The following PGM1 variants were observed in gnomAD, a reference collection of about 807,000 sequenced individuals.
PGM1 encodes the protein phosphoglucomutase 1, also known as phosphoglucomutase-1.
Under a neutral mutation model 55.6 loss-of-function variants are expected in PGM1, and 52 were observed. That is an observed-to-expected ratio of 0.94 (90% CI 0.75 to 1.18). PGM1 has a LOEUF of 1.18. Ranked by LOEUF, PGM1 falls within the 50% of genes most tolerant of loss-of-function variation. The pLI is 0.00. For synonymous variants in PGM1, 287 were observed against 271.7 expected, an observed-to-expected ratio of 1.06 and a Z score of -0.55; for missense variants, 724 against 729.3, an observed-to-expected ratio of 0.99 and a Z score of 0.08.
In PGM1 at chr1:63,630,911, A is replaced by G. The variant is rs557586968; in HGVS notation, c.557-746A>G. Among the ~76,000 whole-genome samples the G allele has an allele frequency of 2.1e-4, 32 of 152,302 alleles. 1 individual carries two copies. The highest frequency in any genetic ancestry group is 5.9e-5 in the Non-Finnish European group (4 of 68,026). ...TTTTTTTGTTTGAACCTACTCAGGG[A>G]GAGCTGACAATTGCATCCTAACAAA... On this transcript the variant is annotated intron_variant, in intron 3 of 10. Coordinates refer to ENST00000371084, the MANE Select transcript of PGM1 (RefSeq NM_002633.3).
intron 1 of PGM1, among the ~76,000 whole-genome samples, chr1:63,597,059 T>C (rs1455318245): frequency 6.6e-6 from 1 of 152,170 alleles, no homozygotes; most frequent in Admixed American, 6.5e-5. Context: ...GGGAAAGACA[T>C]AGTCTGGGAG....
rs1372801639 is a variant in PGM1 at position 63,647,992 on chromosome 1, A to G, written c.1145-525A>G. Among the ~76,000 whole-genome samples the G allele has an allele frequency of 2.0e-5, 3 of 152,288 alleles. No homozygotes were observed. The East Asian group carries it at 5.8e-4, about 29-fold the overall frequency. On this transcript the variant is annotated intron_variant, in intron 7 of 10. Transcript: ENST00000371084. ...GAAGCATCAATTTCTTTTCAGTATC[A>G]TGTTGCCTACTTAATATGTGATTCC...
At chr1:63,652,544 A>G (rs1480635836) in intron 9 of PGM1, among the ~76,000 whole-genome samples, 2 of 146,660 alleles carry the variant, frequency 1.4e-5, no homozygotes, top group African/African-American at 5.1e-5. Context: ...CTTACGCACC[A>G]GGGTTCTCTC....
chr1:63,607,509 C>A (rs1648453735), intron 1 of PGM1, among the ~76,000 whole-genome samples: 1 of 152,116 alleles, frequency 6.6e-6, no homozygotes, highest in Non-Finnish European at 1.5e-5. Context: ...GGCGAGTGTG[C>A]CTGGGATGGG....
intron 1 of PGM1, among the ~76,000 whole-genome samples, chr1:63,595,080 A>T (rs183847255): frequency 2.0e-5 from 3 of 152,186 alleles, no homozygotes; most frequent in African/African-American, 7.2e-5. Flanking sequence ...ATTTTAAGTG[A>T]GATTTGACTT....
Position 63,631,729 on chromosome 1 carries a change from A to T in PGM1, c.629A>T (p.Glu210Val). The T allele has an allele frequency of 1.9e-6, 3 of 1,611,886 alleles. No homozygotes were observed. The highest frequency in any genetic ancestry group is 2.5e-6 in the Non-Finnish European group (3 of 1,177,966). Residue 210 changes from glutamate (E) to valine (V), a missense_variant, in exon 4 of 11, where the codon GAA becomes GTA. Physicochemically the swap from Glu to Val is moderately radical, Grantham distance 121. Transcript: ENST00000371084. ...ATCTTTGATTTCAGTGCACTGAAAGAACTACTTTCTGGGCCAAACCGACTG... is the reference window on the plus strand; with the variant it reads ...ATCTTTGATTTCAGTGCACTGAAAGTACTACTTTCTGGGCCAAACCGACTG... Reference protein sequence around the residue: ...RSIFDFSALKELLSGPNRLKI... With the variant: ...RSIFDFSALKVLLSGPNRLKI...
chr1:63,600,816 A>G (rs1347831331), intron 1 of PGM1, among the ~76,000 whole-genome samples: 2 of 152,214 alleles, frequency 1.3e-5, no homozygotes, highest in Admixed American at 1.3e-4. Context: ...TGTAGCATAC[A>G]TTTTATCGTA....
intron 7 of PGM1, among the ~76,000 whole-genome samples, chr1:63,646,198 G>A (rs1649640632): frequency 6.6e-6 from 1 of 152,180 alleles, no homozygotes; most frequent in Non-Finnish European, 1.5e-5. Context: ...AGACCAGCGG[G>A]AAGTGCAGTA....
chr1:63,636,720 G>A (rs977218008), intron 6 of PGM1, among the ~76,000 whole-genome samples: 2 of 152,136 alleles, frequency 1.3e-5, no homozygotes, highest in African/African-American at 2.4e-5. Flanking sequence ...TGACCATAGC[G>A]TGCCTGGCAC....
At chr1:63,621,584 T>C (rs1414123013) in intron 1 of PGM1, among the ~76,000 whole-genome samples, 1 of 152,206 alleles carries the variant, frequency 6.6e-6, no homozygotes, top group Non-Finnish European at 1.5e-5. Flanking sequence ...TAAAAAATCA[T>C]TTATAGTACG....
intron 7 of PGM1, among the ~76,000 whole-genome samples, chr1:63,646,106 A>T (rs186897288): frequency 1.3e-5 from 2 of 152,300 alleles, no homozygotes; most frequent in Non-Finnish European, 2.9e-5. Context: ...GTCTGAAAAG[A>T]TGAAGAGAGG....
In PGM1 at chr1:63,651,861, A is replaced by T. The variant is rs779732808; in HGVS notation, c.1464+9A>T. On this transcript the variant is annotated intron_variant, in intron 9 of 10. Coordinates refer to ENST00000371084, the MANE Select transcript of PGM1 (RefSeq NM_002633.3). ...GCATTTCAAGAAATCAGGTAGAAAC[A>T]GACCGGTGTGTAAGTGAGAGAGAGA... The T allele has an allele frequency of 3.1e-6, 5 of 1,612,284 alleles. No individual in the cohort carries two copies. In the East Asian group the frequency reaches 8.9e-5, roughly 29 times the overall value.
In PGM1 at chr1:63,659,575, G is replaced by A; in HGVS notation, c.1600-11G>A. 3 of 1,609,176 alleles carry A rather than the reference G, an allele frequency of 1.9e-6. No homozygotes were observed. The highest frequency in any genetic ancestry group is 2.6e-6 in the Non-Finnish European group (3 of 1,175,622). The stretch of plus-strand genomic sequence containing the variant: ...AAGTGATGGAAAAGCTTCTCTCTAT[G>A]TCTTCCTCAGGTCATGTTGGCCCCC... On this transcript the variant is annotated splice_polypyrimidine_tract_variant and intron_variant, in intron 10 of 10. Transcript: ENST00000371084.
chr1:63,634,765 C>T, intron 4 of PGM1, 64 bp from the exon 5 acceptor site: 1 of 1,388,702 alleles, frequency 7.2e-7, no homozygotes, highest in Non-Finnish European at 1.0e-6. Flanking sequence ...ACCCCTGAAT[C>T]CTCACATACT....
chr1:63,607,366 C>T (rs1200414125), intron 1 of PGM1, among the ~76,000 whole-genome samples: 3 of 152,172 alleles, frequency 2.0e-5, no homozygotes, highest in Non-Finnish European at 2.9e-5. Context: ...AAGATGTCCT[C>T]ATTCGCAAGG....
rs947534673 is a variant in PGM1 at position 63,593,413 on chromosome 1, A to G, written c.-76A>G. The G allele has an allele frequency of 6.2e-7, 1 of 1,601,772 alleles. No individual in the cohort carries two copies. Among genetic ancestry groups the G allele is most frequent in the Non-Finnish European group, 8.5e-7 (1 of 1,173,338 alleles). On this transcript the variant is annotated 5_prime_UTR_variant, in exon 1 of 11. Transcript: ENST00000371084. ...CCCACCCGCCGTGCCCTCACCCCAG[A>G]GCAGCTGCAGCCTCAGCCGGCCGCC... is the stretch of plus-strand genomic sequence containing the variant.
At chr1:63,600,805 A>G (rs1648220937) in intron 1 of PGM1, among the ~76,000 whole-genome samples, 1 of 152,234 alleles carries the variant, frequency 6.6e-6, no homozygotes, top group Admixed American at 6.5e-5. Context: ...AGGTAAATAA[A>G]TGTAGCATAC....
At chr1:63,602,830 A>T (rs1431877920) in intron 1 of PGM1, among the ~76,000 whole-genome samples, 1 of 152,044 alleles carries the variant, frequency 6.6e-6, no homozygotes, top group Non-Finnish European at 1.5e-5. Flanking sequence ...CATGCTTGGG[A>T]CTTAAGGTGA....
chr1:63,634,727 A>G (rs1649315171), intron 4 of PGM1, 102 bp from the exon 5 acceptor site: 2 of 927,576 alleles, frequency 2.2e-6, no homozygotes, highest in East Asian at 2.5e-5. Context: ...TTCTCATGCC[A>G]TTCTTCTCCC....
Sources: gnomAD v4.1 joint callset for allele counts (sites outside exome capture counted in the v4.1 genomes callset) on GRCh38, gnomAD v4.1.1 for gene constraint, MANE v1.5 for transcripts, NCBI Gene and HGNC (gene_info 2026-07-23, HGNC 2026-07-21) for gene names.